CNTNAP5: variants seen among roughly 807,000 people sequenced by gnomAD.
CNTNAP5 encodes the protein contactin-associated protein-like 5.
In CNTNAP5, 72 loss-of-function variants were observed where a neutral mutation model predicts 150.2. The ratio of observed to expected loss-of-function variants is 0.48; its 90% CI spans 0.40 to 0.58. The LOEUF (loss-of-function observed/expected upper bound fraction) is 0.58. Ranked by LOEUF, CNTNAP5 falls within the 20% of genes least tolerant of loss-of-function variation. The probability of loss-of-function intolerance (pLI) is 0.00; values close to 1 mark genes in which losing one functional copy is unlikely to be tolerated. For synonymous variants in CNTNAP5, 672 were observed against 619.8 expected (o/e 1.08, Z -1.25); for missense variants, 1,636 against 1,626.2 (o/e 1.01, Z -0.10).
At chr2:124,186,531 G>T (rs17011040) in intron 1 of CNTNAP5, among the ~76,000 whole-genome samples, 31,319 of 151,996 alleles carry the variant, frequency 0.21, 3,397 homozygotes, top group African/African-American at 0.24. Context: ...TAGTATCAAC[G>T]TATCTTTCCC....
In CNTNAP5 at chr2:124,427,076, A is replaced by T. The variant is rs117254173; in HGVS notation, c.530-7408A>T. On this transcript the variant is annotated intron_variant, in intron 4 of 23. Transcript: ENST00000682447. The stretch of plus-strand genomic sequence containing the variant: ...AATGGGTTCTTAAAAATCGATTTTG[A>T]AAAAAGGGGAAGAAATTGTTCACTC... Among the ~76,000 whole-genome samples, 118 of 152,278 alleles carry T rather than the reference A, an allele frequency of 7.7e-4. 2 individuals carry two copies. In the East Asian group the frequency reaches 0.021, roughly 28 times the overall value.
At chr2:124,512,420 G>C (rs79445254) in intron 8 of CNTNAP5, among the ~76,000 whole-genome samples, 3,617 of 152,172 alleles carry the variant, frequency 0.024, 86 homozygotes, top group African/African-American at 0.056. Context: ...TGACCCTGGC[G>C]CTGGCACCAC....
At chr2:124,503,458 T>C (rs547604298) in intron 7 of CNTNAP5, among the ~76,000 whole-genome samples, 14 of 151,812 alleles carry the variant, frequency 9.2e-5, no homozygotes, top group African/African-American at 3.4e-4. Context: ...ATCCTTACCT[T>C]TTTTTTGCTA....
chr2:124,626,390 G>A (rs1558709692), intron 12 of CNTNAP5, among the ~76,000 whole-genome samples: 1 of 151,992 alleles, frequency 6.6e-6, no homozygotes, highest in African/African-American at 2.4e-5. Context: ...CATCTAATTG[G>A]GACTGACTAG....
rs1205608843 is a variant in CNTNAP5 at position 124,917,928 on chromosome 2, G to C, written c.*3640G>C. 6.6e-6 allele frequency among the ~76,000 whole-genome samples: 1 copy of C among 152,022 alleles called. No individual in the cohort carries two copies. The highest frequency in any genetic ancestry group is 1.5e-5 in the Non-Finnish European group (1 of 67,988). On this transcript the variant is annotated 3_prime_UTR_variant, in exon 24 of 24. Coordinates refer to ENST00000682447, the MANE Select transcript of CNTNAP5 (RefSeq NM_001367498.1). ...AAATGTAAATTTCTGGGAAATATCT[G>C]TTATTTTTTAAATTACTGCTTCCAC... is the stretch of plus-strand genomic sequence containing the variant.
intron 18 of CNTNAP5, among the ~76,000 whole-genome samples, chr2:124,792,300 T>A (rs546716245): frequency 6.6e-6 from 1 of 152,242 alleles, no homozygotes; most frequent in Admixed American, 6.5e-5. Context: ...ATATTCCTCA[T>A]CCAAACAAAT....
chr2:124,179,888 C>T (rs892040338), intron 1 of CNTNAP5, among the ~76,000 whole-genome samples: 13 of 152,112 alleles, frequency 8.5e-5, no homozygotes, highest in African/African-American at 2.7e-4. Flanking sequence ...TTCTGCTCCC[C>T]GAAGATAGAG....
intron 17 of CNTNAP5, among the ~76,000 whole-genome samples, chr2:124,776,280 G>A (rs751463523): frequency 6.8e-6 from 1 of 147,706 alleles, no homozygotes; most frequent in African/African-American, 2.7e-5. Context: ...TTTCCCATGG[G>A]CCTATTTTTT....
chr2:124,291,835 G>T (rs1688302325), intron 3 of CNTNAP5, among the ~76,000 whole-genome samples: 1 of 152,112 alleles, frequency 6.6e-6, no homozygotes, highest in South Asian at 2.1e-4. Flanking sequence ...CTTGACTCCT[G>T]TTTGGCTTAT....
intron 7 of CNTNAP5, among the ~76,000 whole-genome samples, chr2:124,490,860 G>A (rs1694007816): frequency 6.6e-6 from 1 of 151,830 alleles, no homozygotes; most frequent in African/African-American, 2.4e-5. Context: ...AAGTTACTCT[G>A]TTTTAAAAAA....
At chr2:124,609,559 A>G (rs956699711) in intron 11 of CNTNAP5, among the ~76,000 whole-genome samples, 4 of 149,498 alleles carry the variant, frequency 2.7e-5, no homozygotes, top group Non-Finnish European at 4.5e-5. Flanking sequence ...TGATCGTGCT[A>G]CTGCAGTCTA....
chr2:124,872,115 T>C (rs550309802), intron 21 of CNTNAP5, among the ~76,000 whole-genome samples: 171 of 152,232 alleles, frequency 1.1e-3, no homozygotes, highest in African/African-American at 3.9e-3. Context: ...CCTAATCCCA[T>C]TCAATGAATC....
At chr2:124,162,551 G>A (rs1684708132) in intron 1 of CNTNAP5, among the ~76,000 whole-genome samples, 1 of 152,018 alleles carries the variant, frequency 6.6e-6, no homozygotes, top group Admixed American at 6.6e-5. Context: ...TCATTGATTT[G>A]GGAAAGATGA....
chr2:124,329,085 A>C (rs1689287298), intron 3 of CNTNAP5, among the ~76,000 whole-genome samples: 1 of 152,172 alleles, frequency 6.6e-6, no homozygotes, highest in African/African-American at 2.4e-5. Context: ...CGGCCCAAAG[A>C]GCAACATTTT....
intron 21 of CNTNAP5, among the ~76,000 whole-genome samples, chr2:124,895,263 T>C (rs1678279427): frequency 6.6e-6 from 1 of 151,604 alleles, no homozygotes; most frequent in Non-Finnish European, 1.5e-5. Flanking sequence ...GTGCCAGACC[T>C]TATGCAATGT....
chr2:124,041,589 G>T (rs1681373901), intron 1 of CNTNAP5, among the ~76,000 whole-genome samples: 3 of 152,122 alleles, frequency 2.0e-5, no homozygotes, highest in South Asian at 4.1e-4. Context: ...CAGATTAGTG[G>T]TTTTCAATCA....
At chr2:124,096,392 C>T (rs1682933028) in intron 1 of CNTNAP5, among the ~76,000 whole-genome samples, 1 of 152,182 alleles carries the variant, frequency 6.6e-6, no homozygotes, top group East Asian at 1.9e-4. Context: ...TATTTCATCA[C>T]TCTCATGCAA....
At chr2:124,385,060 G>T (rs1690895220) in intron 3 of CNTNAP5, among the ~76,000 whole-genome samples, 1 of 152,162 alleles carries the variant, frequency 6.6e-6, no homozygotes, top group African/African-American at 2.4e-5. Context: ...CAAATGGCAG[G>T]CACCCAACCC....
At chr2:124,090,093 G>A (rs1324079441) in intron 1 of CNTNAP5, among the ~76,000 whole-genome samples, 1 of 152,226 alleles carries the variant, frequency 6.6e-6, no homozygotes, top group Non-Finnish European at 1.5e-5. Context: ...GTAAATGTAT[G>A]GATGGATGAG....
Sources: allele counts gnomAD v4.1 joint callset (sites outside exome capture counted in the v4.1 genomes callset), GRCh38; gene constraint gnomAD v4.1.1; transcripts MANE v1.5; gene names NCBI Gene and HGNC (gene_info 2026-07-23, HGNC 2026-07-21).